Variants in CYP20A1 observed in about 807,000 individuals in gnomAD.
CYP20A1 encodes cytochrome P450 20A1.
Under a neutral mutation model 61.4 loss-of-function variants are expected in CYP20A1, and 61 were observed. The ratio of observed to expected loss-of-function variants is 0.99; its 90% confidence interval spans 0.81 to 1.23. The LOEUF (loss-of-function observed/expected upper bound fraction) is 1.23. CYP20A1 is among the 50% of genes most tolerant of loss of function. CYP20A1 has a pLI of 0.00. For missense variants in CYP20A1, 530 were observed against 542.4 expected (o/e 0.98, Z 0.23); for synonymous variants, 193 against 188.2 (o/e 1.03, Z -0.21).
intron 3 of CYP20A1, 150 bp from the exon 4 acceptor site, chr2:203,251,817 A>ATATATATATATGTGTAT (rs34111991): frequency 1.0e-5 from 1 of 95,294 alleles, no homozygotes; most frequent in Non-Finnish European, 2.2e-5. Flanking sequence ...ATATATATAT[A>ATATATATATATGTGTAT]AAAAATAAAA....
intron 9 of CYP20A1, among the ~76,000 whole-genome samples, chr2:203,288,923 G>A (rs4675328): frequency 0.89 from 136,174 of 152,186 alleles, 61,752 homozygotes; most frequent in Non-Finnish European, 0.96. Context: ...CCTGTATATA[G>A]AGCATTTAAG....
At chr2:203,245,770 T>C in intron 1 of CYP20A1, 76 bp from the exon 2 acceptor site, 2 of 760,338 alleles carry the variant, frequency 2.6e-6, no homozygotes, top group Non-Finnish European at 4.3e-6. Flanking sequence ...TTTAAGGTCC[T>C]GCAGATGTGT....
chr2:203,279,952 C>CT (rs889041578), intron 7 of CYP20A1, 107 bp from the exon 8 acceptor site: 609 of 655,214 alleles, frequency 9.3e-4, no homozygotes, highest in South Asian at 1.2e-3. Context: ...AAATAATATA[C>CT]TTTTTTTTTC....
At chr2:203,275,639 C>CCCCCG (rs2067788452) in intron 6 of CYP20A1, among the ~76,000 whole-genome samples, 1 of 152,072 alleles carries the variant, frequency 6.6e-6, no homozygotes, top group African/African-American at 2.4e-5. Context: ...GGGGTTTCAC[C>CCCCCG]ATGTTGGCCA....
chr2:203,249,400 A>G (rs1318937672), intron 3 of CYP20A1, among the ~76,000 whole-genome samples: 2 of 152,200 alleles, frequency 1.3e-5, no homozygotes, highest in Admixed American at 6.6e-5. Flanking sequence ...GAGAGATGGT[A>G]AAATGTTGGC....
chr2:203,244,943 A>G (rs1034837606), intron 1 of CYP20A1, among the ~76,000 whole-genome samples: 7 of 151,422 alleles, frequency 4.6e-5, no homozygotes, highest in African/African-American at 1.7e-4. Context: ...CGTGTTAGCC[A>G]GGATGGTCTC....
At chr2:203,291,499 A>G (rs1271778310) in intron 10 of CYP20A1, among the ~76,000 whole-genome samples, 2 of 152,172 alleles carry the variant, frequency 1.3e-5, no homozygotes, top group Non-Finnish European at 2.9e-5. Context: ...AGATAGAACA[A>G]ATTTTCATAC....
chr2:203,292,364 T>C, intron 11 of CYP20A1, 38 bp downstream of exon 11: 1 of 1,510,058 alleles, frequency 6.6e-7, no homozygotes, highest in Non-Finnish European at 9.2e-7. Context: ...GACTGTCAGT[T>C]TTTGTGTTTG....
intron 4 of CYP20A1, among the ~76,000 whole-genome samples, chr2:203,259,198 T>C (rs2067032929): frequency 6.6e-6 from 1 of 152,214 alleles, no homozygotes; most frequent in Admixed American, 6.5e-5. Context: ...GTTTGTAGAC[T>C]ATGTCGTTAT....
chr2:203,285,771 AATTTGAACTGGTTT>A, intron 9 of CYP20A1, 39 bp downstream of exon 9: 6 of 1,492,898 alleles, frequency 4.0e-6, no homozygotes, highest in Non-Finnish European at 5.3e-6. Context: ...TTAAAAGGTA[AATTTGAACTGGTTT>A]ATCTAATTTA....
intron 5 of CYP20A1, among the ~76,000 whole-genome samples, chr2:203,271,527 C>G (rs189458550): frequency 9.9e-5 from 15 of 152,118 alleles, no homozygotes; most frequent in African/African-American, 3.6e-4. Context: ...TCCCTAAATT[C>G]TTTTTAGAAC....
At position 203,298,968 on chromosome 2, in the gene CYP20A1, G is replaced by A. The variant is rs1268992286; in HGVS notation, c.*2060G>A. ...GAGAATCGCTTGAACCTGGGAGGCG[G>A]AGGTTGCAGTGAGCTGATGTTGTGC... On this transcript the variant is annotated 3_prime_UTR_variant, in exon 13 of 13. Coordinates refer to ENST00000356079, the MANE Select transcript of CYP20A1 (RefSeq NM_177538.3). 6.6e-6 allele frequency among the ~76,000 whole-genome samples: 1 copy of A among 152,080 alleles called. No homozygotes were observed. The highest frequency in any genetic ancestry group is 1.5e-5 in the Non-Finnish European group (1 of 67,998).
At chr2:203,292,350 T>A (rs2068574000) in intron 11 of CYP20A1, 24 bp downstream of exon 11, 1 of 1,571,738 alleles carries the variant, frequency 6.4e-7, no homozygotes, top group Non-Finnish European at 8.8e-7. Flanking sequence ...GTCATTGTAT[T>A]TGTGACTGTC....
At chr2:203,252,620 C>A (rs191087957) in intron 4 of CYP20A1, among the ~76,000 whole-genome samples, 230 of 152,190 alleles carry the variant, frequency 1.5e-3, no homozygotes, top group African/African-American at 5.3e-3. Context: ...GTCTCAAACT[C>A]CTGACCTCAA....
At chr2:203,259,471 C>T (rs2067046062) in intron 4 of CYP20A1, 1 of 152,164 alleles carries the variant, frequency 6.6e-6, no homozygotes, top group Admixed American at 6.6e-5. Context: ...CCCCCTCTCT[C>T]TTGCTCCTGC....
rs1327173091 is a variant in CYP20A1, at chr2:203,301,024, T to C, written c.*4116T>C. On this transcript the variant is annotated 3_prime_UTR_variant, in exon 13 of 13. Transcript: ENST00000356079. ...CCAGCCTGACCAACATGGAGAAACT[T>C]CATCTCTACTAAAAATACAAAATTA... 6.6e-6 allele frequency among the ~76,000 whole-genome samples: 1 copy of C among 151,470 alleles called. No individual in the cohort carries two copies. The highest frequency in any genetic ancestry group is 2.4e-5 in the African/African-American group (1 of 41,260).
chr2:203,284,558 G>A (rs889504419), intron 8 of CYP20A1, among the ~76,000 whole-genome samples: 2 of 151,650 alleles, frequency 1.3e-5, no homozygotes, highest in Non-Finnish European at 2.9e-5. Context: ...CCATAAACCA[G>A]TTTAAGCTAA....
chr2:203,247,689 T>A (rs949762876), intron 3 of CYP20A1, among the ~76,000 whole-genome samples: 2 of 151,990 alleles, frequency 1.3e-5, no homozygotes. Flanking sequence ...AAACCCTGTC[T>A]TTACTAAAAA....
chr2:203,285,736 A>G lies in CYP20A1; in HGVS notation c.971+4A>G, dbSNP rs750922218. 3.8e-6 allele frequency: 6 copies of G among 1,565,960 alleles called. No individual in the cohort carries two copies. In the East Asian group the frequency reaches 9.1e-5, roughly 24 times the overall value. On this transcript the variant is annotated splice_donor_region_variant and intron_variant, in intron 9 of 12. Transcript: ENST00000356079. ...CAGAGAAAATTGAGCAGCTCAGGTA[A>G]GAACACAATAAAAAGAGGAGATTAT...
Sources: gnomAD v4.1 joint callset for allele counts (sites outside exome capture counted in the v4.1 genomes callset) on GRCh38, gnomAD v4.1.1 for gene constraint, MANE v1.5 for transcripts, NCBI Gene and HGNC (gene_info 2026-07-23, HGNC 2026-07-21) for gene names.